The following EVI5 variants were observed in gnomAD, a reference collection of about 807,000 sequenced individuals.
The protein encoded by EVI5 is ecotropic viral integration site 5 protein homolog.
Under a neutral mutation model 112.0 loss-of-function variants are expected in EVI5, and 73 were observed. That is an observed-to-expected ratio of 0.65 (90% CI 0.54 to 0.79). EVI5 has a LOEUF of 0.79. Ranked by LOEUF, EVI5 falls within the 30% of genes least tolerant of loss-of-function variation. The pLI is 0.00. For missense variants in EVI5, 900 were observed against 968.8 expected (o/e 0.93, Z 0.94); for synonymous variants, 305 against 319.9 (o/e 0.95, Z 0.50).
chr1:92,779,523 A>T (rs1018386007), intron 1 of EVI5, among the ~76,000 whole-genome samples: 1 of 152,152 alleles, frequency 6.6e-6, no homozygotes, highest in African/African-American at 2.4e-5. Flanking sequence ...GTCTCAAAAA[A>T]AAAAAAAGAA....
At chr1:92,687,661 C>T (rs1442304738) in intron 9 of EVI5, among the ~76,000 whole-genome samples, 1 of 152,134 alleles carries the variant, frequency 6.6e-6, no homozygotes, top group African/African-American at 2.4e-5. Context: ...GGCTAATATC[C>T]AGCATCTACA....
chr1:92,626,259 C>T (rs1461950611), intron 14 of EVI5, among the ~76,000 whole-genome samples: 1 of 152,172 alleles, frequency 6.6e-6, no homozygotes, highest in Non-Finnish European at 1.5e-5. Flanking sequence ...TTTTTGTTTC[C>T]ATGAGTTTGT....
chr1:92,650,974 C>T (rs1455463697), intron 13 of EVI5, among the ~76,000 whole-genome samples: 1 of 152,142 alleles, frequency 6.6e-6, no homozygotes, highest in Non-Finnish European at 1.5e-5. Context: ...CAGGGAAGCT[C>T]TCCAAAACTA....
At chr1:92,772,170 A>C (rs1683503630) in intron 1 of EVI5, among the ~76,000 whole-genome samples, 2 of 151,912 alleles carry the variant, frequency 1.3e-5, no homozygotes, top group African/African-American at 4.8e-5. Flanking sequence ...GTACCAGAAT[A>C]ATCTTTCTAA....
chr1:92,514,402 T>G (rs1189914298), intron 19 of EVI5, among the ~76,000 whole-genome samples: 1 of 152,164 alleles, frequency 6.6e-6, no homozygotes, highest in Non-Finnish European at 1.5e-5. Context: ...GCAATCTGCC[T>G]GCCTCAGTCT....
At chr1:92,587,540 G>A (rs1673020239) in intron 18 of EVI5, among the ~76,000 whole-genome samples, 1 of 151,994 alleles carries the variant, frequency 6.6e-6, no homozygotes, top group Non-Finnish European at 1.5e-5. Flanking sequence ...TAATGGTAAA[G>A]GTTTTATCAC....
intron 1 of EVI5, chr1:92,784,520 G>T: frequency 1.3e-6 from 1 of 745,060 alleles, no homozygotes; most frequent in Non-Finnish European, 1.6e-6. Flanking sequence ...TGTCCTCCAC[G>T]GGATTTACGA....
Position 92,688,668 on chromosome 1 carries a change from G to T in EVI5, c.1097+5134C>A, listed in dbSNP as rs538815760. On this transcript the variant is annotated intron_variant, in intron 9 of 19. Transcript: ENST00000684568. ...TATCAGAAAGATAAATTGTAGGAAA[G>T]ACTATAGATAGAAATTGAAAGTCTA... Among the ~76,000 whole-genome samples the T allele has an allele frequency of 6.2e-4, 95 of 152,300 alleles. 2 individuals are homozygous for T. Among genetic ancestry groups the T allele is most frequent in the Admixed American group, 6.0e-3 (92 of 15,300 alleles).
Position 92,694,310 on chromosome 1 carries a change from C to A in EVI5, c.988G>T (p.Gly330Trp). ...QAELMQLDME[G>W]MLQHFQKVIP... ...AATTATGAACTTACCTGTAACATCC[C>A]TTCCATGTCAAGTTGCATCAGTTCT... is the stretch of plus-strand genomic sequence containing the variant. The change falls in exon 8 of 20, where the codon GGG (glycine) becomes TGG (tryptophan). Residue 330 changes from glycine (G) to tryptophan (W), a missense_variant. Physicochemically the swap from Gly to Trp is radical, Grantham distance 184 (BLOSUM62 -2). Transcript: ENST00000684568. 1 of 1,575,902 alleles carries A rather than the reference C, an allele frequency of 6.3e-7. No homozygotes were observed. Among genetic ancestry groups the A allele is most frequent in the South Asian group, 1.1e-5 (1 of 88,198 alleles).
chr1:92,784,330 A>G, intron 1 of EVI5: 1 of 985,392 alleles, frequency 1.0e-6, no homozygotes, highest in Non-Finnish European at 1.2e-6. Context: ...ACTCTTCTCA[A>G]GTTCATTCTG....
chr1:92,773,252 A>C (rs184283937), intron 1 of EVI5, among the ~76,000 whole-genome samples: 27 of 152,130 alleles, frequency 1.8e-4, no homozygotes, highest in Admixed American at 1.7e-3. Flanking sequence ...CAAATAGGAG[A>C]TAGGACAAAT....
At chr1:92,545,353 G>C (rs1004096766) in intron 19 of EVI5, among the ~76,000 whole-genome samples, 1 of 151,308 alleles carries the variant, frequency 6.6e-6, no homozygotes. Context: ...TGAGACTATA[G>C]GCCATTGTGC....
At chr1:92,693,928 G>C (rs1186952330) in intron 8 of EVI5, 29 bp from the exon 9 acceptor site, 1 of 1,267,200 alleles carries the variant, frequency 7.9e-7, no homozygotes, top group Non-Finnish European at 1.1e-6. Flanking sequence ...AAAAACATAA[G>C]AATGACTTAG....
intron 14 of EVI5, 34 bp from the exon 15 acceptor site, chr1:92,625,968 A>T (rs200167597): frequency 7.0e-7 from 1 of 1,419,230 alleles, no homozygotes; most frequent in South Asian, 1.2e-5. Context: ...TGGGATTTTT[A>T]AATTTAAGGA....
intron 2 of EVI5, among the ~76,000 whole-genome samples, chr1:92,728,045 G>T (rs1001988325): frequency 2.0e-5 from 3 of 151,360 alleles, no homozygotes; most frequent in Non-Finnish European, 4.4e-5. Flanking sequence ...CAAGCAAAAG[G>T]CTGGGAAAAT....
intron 9 of EVI5, among the ~76,000 whole-genome samples, chr1:92,684,958 A>G (rs1210713371): frequency 6.6e-6 from 1 of 152,072 alleles, no homozygotes; most frequent in African/African-American, 2.4e-5. Flanking sequence ...TAATAATGGG[A>G]GACTTTAACA....
chr1:92,673,006 C>G (rs1166242166), intron 10 of EVI5, among the ~76,000 whole-genome samples: 1 of 152,060 alleles, frequency 6.6e-6, no homozygotes, highest in East Asian at 1.9e-4. Flanking sequence ...CTTTCTGAAG[C>G]CTAATTTCTT....
intron 1 of EVI5, among the ~76,000 whole-genome samples, chr1:92,768,180 T>C (rs1024117669): frequency 6.6e-6 from 1 of 151,198 alleles, no homozygotes; most frequent in Non-Finnish European, 1.5e-5. Context: ...TGCACTATAA[T>C]AGAAAACTAA....
At chr1:92,520,308 A>G (rs910039466) in intron 19 of EVI5, among the ~76,000 whole-genome samples, 1 of 152,216 alleles carries the variant, frequency 6.6e-6, no homozygotes, top group Non-Finnish European at 1.5e-5. Flanking sequence ...TTCAGTCTCC[A>G]TTCCAGAAGA....
Sources: allele counts gnomAD v4.1 joint callset (sites outside exome capture counted in the v4.1 genomes callset), GRCh38; gene constraint gnomAD v4.1.1; transcripts MANE v1.5; gene names NCBI Gene and HGNC (gene_info 2026-07-23, HGNC 2026-07-21).